CGN: variants seen among roughly 807,000 people sequenced by gnomAD.
CGN encodes cingulin.
A neutral mutation model predicts 157.1 loss-of-function variants in CGN; 121 were observed. The ratio of observed to expected loss-of-function variants is 0.77; its 90% CI spans 0.66 to 0.90. The LOEUF is 0.90. Ranked by LOEUF, CGN falls within the 40% of genes least tolerant of loss-of-function variation. The probability of loss-of-function intolerance (pLI) is 0.00; values close to 1 mark genes in which losing one functional copy is unlikely to be tolerated. For synonymous variants in CGN, 535 were observed against 607.5 expected (o/e 0.88, Z 1.76); for missense variants, 1,424 against 1,520.9 (o/e 0.94, Z 1.06).
At position 151,537,413 on chromosome 1, in the gene CGN, C is replaced by G. The variant is rs1664994199; in HGVS notation, c.*67C>G. 6.8e-7 allele frequency: 1 copy of G among 1,467,592 alleles called. No homozygotes were observed. The highest frequency in any genetic ancestry group is 1.2e-5 in the South Asian group (1 of 80,146). The allele number at this position is 1,467,592 out of a possible 1,614,324, so 90.9% of individuals were successfully genotyped here. Reference sequence around the variant, plus strand: ...TCCCAGCAAGTGCTGCTCTGCTCTGCCCACCCTGGGTTCTGCATTCCTATG... The same window carrying G: ...TCCCAGCAAGTGCTGCTCTGCTCTGGCCACCCTGGGTTCTGCATTCCTATG... On this transcript the variant is annotated 3_prime_UTR_variant, in exon 21 of 21. Coordinates refer to ENST00000271636, the MANE Select transcript of CGN (RefSeq NM_020770.3).
chr1:151,527,158 C>T, intron 10 of CGN, 51 bp downstream of exon 10: 2 of 1,606,900 alleles, frequency 1.2e-6, no homozygotes, highest in East Asian at 4.5e-5. Flanking sequence ...TGAACACCTG[C>T]CTTACCTCTC....
At chr1:151,523,058 A>AT (rs556110587) in intron 5 of CGN, among the ~76,000 whole-genome samples, 1 of 152,016 alleles carries the variant, frequency 6.6e-6, no homozygotes, top group Non-Finnish European at 1.5e-5. Context: ...TATAACAGCT[A>AT]TTTTTTTCCC....
At chr1:151,532,617 T>C (rs1664865202) in intron 14 of CGN, 45 bp downstream of exon 14, 3 of 1,161,884 alleles carry the variant, frequency 2.6e-6, no homozygotes, top group East Asian at 3.5e-5. Flanking sequence ...TGCCTCTTTT[T>C]TTTTTTTTTT....
At chr1:151,532,612 CTTTT>C (rs34388063) in intron 14 of CGN, 40 bp downstream of exon 14, 5,706 of 532,852 alleles carry the variant, frequency 0.011, no homozygotes, top group East Asian at 0.021. Flanking sequence ...GTCCTTGCCT[CTTTT>C]TTTTTTTTTT....
In CGN at chr1:151,520,229, C is replaced by G; in HGVS notation, c.937C>G (p.His313Asp). The G allele has an allele frequency of 6.2e-7, 1 of 1,613,952 alleles. No homozygotes were observed. The highest frequency in any genetic ancestry group is 8.5e-7 in the Non-Finnish European group (1 of 1,180,002). The change falls in exon 3 of 21, where the codon CAT (histidine) becomes GAT (aspartate). Residue 313 changes from histidine (H) to aspartate (D), a missense_variant. Physicochemically the swap from His to Asp is moderately conservative, Grantham distance 81. Around this residue, in one of 3 missense-constraint regions of CGN, gnomAD observed 1,187 missense variants for 1,217.6 expected, o/e 0.97. Transcript: ENST00000271636. ...QEAAPPGSVD[H>D]MKATIYGILR... ...GGCAGCCCCACCAGGCAGTGTGGACCATATGAAGGCCACCATCTATGGCAT... is the reference window on the plus strand; with the variant it reads ...GGCAGCCCCACCAGGCAGTGTGGACGATATGAAGGCCACCATCTATGGCAT...
chr1:151,519,417 T>A (rs1198794116), intron 2 of CGN, 25 bp downstream of exon 2: 1 of 1,541,292 alleles, frequency 6.5e-7, no homozygotes, highest in Non-Finnish European at 8.7e-7. Flanking sequence ...CTCCCTGACT[T>A]CTAAATGTCA....
At chr1:151,528,900 T>C (rs1236258757) in intron 10 of CGN, among the ~76,000 whole-genome samples, 1 of 152,190 alleles carries the variant, frequency 6.6e-6, no homozygotes, top group South Asian at 2.1e-4. Context: ...AATCCTATAA[T>C]ATATGGGCCT....
At chr1:151,530,881 C>T (rs1408287283) in intron 13 of CGN, 135 bp downstream of exon 13, 4 of 916,820 alleles carry the variant, frequency 4.4e-6, no homozygotes, top group Admixed American at 2.6e-5. Flanking sequence ...TGACTCACTC[C>T]TGTAATTCCA....
At position 151,524,333 on chromosome 1, in the gene CGN, A is replaced by G; in HGVS notation, c.1376A>G (p.Glu459Gly). 6.2e-7 allele frequency: 1 copy of G among 1,614,094 alleles called. No homozygotes were observed. Among genetic ancestry groups the G allele is most frequent in the Non-Finnish European group, 8.5e-7 (1 of 1,180,002 alleles). Residue 459 changes from glutamate (E) to glycine (G), a missense_variant, in exon 7 of 21, where the codon GAG (glutamate) becomes GGG (glycine). Transcript: ENST00000271636. This position sits in a 1 kb window ranked among gnomAD's most constrained non-coding sequence, Gnocchi z 4.4. ...QNKLKHVQGP[E>G]PAKEVLLKDL... ...AAGCTGAAACATGTCCAGGGTCCTG[A>G]GCCTGCTAAGGAGGTGTTACTGAAG...
chr1:151,530,054 G>A lies in CGN; in HGVS notation c.2252G>A (p.Gly751Asp), dbSNP rs1664796960. 6.2e-7 allele frequency: 1 copy of A among 1,614,036 alleles called. No homozygotes were observed. Among genetic ancestry groups the A allele is most frequent in the African/African-American group, 1.3e-5 (1 of 74,912 alleles). Reference protein sequence around the residue: ...GLEQQLKETRGLVDGGEAVEA... With the variant: ...GLEQQLKETRDLVDGGEAVEA... Reference sequence around the variant, plus strand: ...GAGCAGCAGCTGAAGGAGACTCGAGGTCTGGTGGATGGTGGGGAAGCGGTG... The same window carrying A: ...GAGCAGCAGCTGAAGGAGACTCGAGATCTGGTGGATGGTGGGGAAGCGGTG... The change falls in exon 12 of 21, where the codon GGT (glycine) becomes GAT (aspartate). Residue 751 changes from glycine (G) to aspartate (D), a missense_variant. This residue lies in a region of CGN where 1,187 missense variants were observed against 1,217.6 expected (regional missense o/e 0.97). Transcript: ENST00000271636.
chr1:151,536,166 A>G, intron 18 of CGN, 71 bp from the exon 19 acceptor site: 1 of 974,868 alleles, frequency 1.0e-6, no homozygotes, highest in South Asian at 1.3e-5. Flanking sequence ...GTCCTTGGGG[A>G]CAGTAGGGGG....
chr1:151,514,439 T>C (rs187246650), intron 1 of CGN, among the ~76,000 whole-genome samples: 6 of 152,050 alleles, frequency 3.9e-5, no homozygotes, highest in Non-Finnish European at 7.4e-5. Flanking sequence ...GGGCAGCAAG[T>C]CTGGACCAGG....
Position 151,524,131 on chromosome 1 carries a change from G to A in CGN, c.1269-95G>A, listed in dbSNP as rs1664612871. Reference sequence around the variant, plus strand: ...AGGCCTCATCAAGATTTGAAGGAAGGAAGTTTAAATGCATTAATAAATATG... The same window carrying A: ...AGGCCTCATCAAGATTTGAAGGAAGAAAGTTTAAATGCATTAATAAATATG... On this transcript the variant is annotated intron_variant, in intron 6 of 20. Coordinates refer to ENST00000271636, the MANE Select transcript of CGN (RefSeq NM_020770.3). This position sits in a 1 kb window ranked among gnomAD's most constrained non-coding sequence, Gnocchi z 4.4. 2 of 1,204,040 alleles carry A rather than the reference G, an allele frequency of 1.7e-6. No individual in the cohort carries two copies. Among genetic ancestry groups the A allele is most frequent in the South Asian group, 3.0e-5 (2 of 66,214 alleles). 74.6% of individuals were successfully genotyped at this position (1,204,040 alleles called of 1,614,324 possible). A position where few individuals can be genotyped will look rare whatever the true frequency, so the allele number is the denominator to read the frequency against.
chr1:151,536,107 C>T, intron 18 of CGN, 130 bp from the exon 19 acceptor site: 1 of 742,166 alleles, frequency 1.3e-6, no homozygotes, highest in Non-Finnish European at 2.4e-6. Flanking sequence ...TTCTTTGAAT[C>T]TGCCCTGGAT....
At chr1:151,535,740 C>G (rs1664953580) in intron 17 of CGN, 40 bp from the exon 18 acceptor site, 1 of 1,606,932 alleles carries the variant, frequency 6.2e-7, no homozygotes, top group African/African-American at 1.3e-5. Context: ...GTAAAATGGC[C>G]AGTGGAGTGC....
At position 151,519,186 on chromosome 1, in the gene CGN, A is replaced by C. The variant is rs781047954; in HGVS notation, c.667A>C (p.Thr223Pro). 3.7e-6 allele frequency: 6 copies of C among 1,614,088 alleles called. No individual in the cohort carries two copies. The highest frequency in any genetic ancestry group is 5.1e-6 in the Non-Finnish European group (6 of 1,180,040). ...CCTGGACAGCCGCCTCCCACGGGAC[A>C]CCTTTGAGGAACGGGAGCGCCAGTC... Reference protein sequence around the residue: ...KSLDSRLPRDTFEERERQSTN... With the variant: ...KSLDSRLPRDPFEERERQSTN... Residue 223 changes from threonine to proline, a missense_variant, in exon 2 of 21, where the codon ACC becomes CCC. Coordinates refer to ENST00000271636, the MANE Select transcript of CGN (RefSeq NM_020770.3).
chr1:151,531,485 G>A (rs1160020355), intron 13 of CGN, among the ~76,000 whole-genome samples: 2 of 152,146 alleles, frequency 1.3e-5, no homozygotes, highest in East Asian at 3.9e-4. Flanking sequence ...TAAGTAACTT[G>A]CCTATGGTTG....
chr1:151,513,409 T>C (rs1487412539), intron 1 of CGN, among the ~76,000 whole-genome samples: 1 of 152,158 alleles, frequency 6.6e-6, no homozygotes, highest in African/African-American at 2.4e-5. Flanking sequence ...GGGATTCTTT[T>C]TGGATCCACG....
intron 12 of CGN, 60 bp downstream of exon 12, chr1:151,530,175 A>G (rs1664802227): frequency 6.6e-7 from 1 of 1,513,516 alleles, no homozygotes. Context: ...CTCCTATGCT[A>G]AGTAGTTAGC....
Sources: gnomAD v4.1 joint callset for allele counts (sites outside exome capture counted in the v4.1 genomes callset) on GRCh38, gnomAD v4.1.1 for gene constraint, gnomAD v4.1.1 regional missense constraint, Gnocchi (gnomAD v3.1) non-coding constraint, MANE v1.5 for transcripts, NCBI Gene and HGNC (gene_info 2026-07-23, HGNC 2026-07-21) for gene names.